Variants in POTEC observed in about 807,000 individuals in gnomAD.
POTEC encodes the protein ANKRD26-like family B member 2.
POTEC carries 35 observed loss-of-function variants against 62.0 expected under a neutral mutation model. The ratio of observed to expected loss-of-function variants is 0.56; its 90% CI spans 0.43 to 0.75. The LOEUF (loss-of-function observed/expected upper bound fraction) is 0.75, where lower values mean the gene tolerates loss of function less well. POTEC is among the 30% of genes least tolerant of loss of function. The pLI is 0.00. For synonymous variants in POTEC, 156 were observed against 221.5 expected (o/e 0.70, Z 2.62); for missense variants, 472 against 655.9 (o/e 0.72, Z 3.06).
At chr18:14,532,399 G>C (rs1392019385) in intron 5 of POTEC, among the ~76,000 whole-genome samples, 1 of 152,056 alleles carries the variant, frequency 6.6e-6, no homozygotes, top group Non-Finnish European at 1.5e-5. Context: ...TATAAGCATA[G>C]GTAAGGGAAC....
At chr18:14,525,317 C>T (rs563331024) in intron 6 of POTEC, among the ~76,000 whole-genome samples, 2 of 152,048 alleles carry the variant, frequency 1.3e-5, no homozygotes, top group East Asian at 1.9e-4. Flanking sequence ...AAGAAAAGAA[C>T]ATTTAGTTTT....
At chr18:14,530,282 A>C (rs1369726956) in intron 6 of POTEC, among the ~76,000 whole-genome samples, 12 of 152,072 alleles carry the variant, frequency 7.9e-5, no homozygotes, top group Non-Finnish European at 1.8e-4. Context: ...ACATTATAGT[A>C]AGTTGTATAA....
rs1274819838 is a variant in POTEC at position 14,508,568 on chromosome 18, A to T, written c.*3330T>A. 2 of 152,670 alleles carry T rather than the reference A, an allele frequency of 1.3e-5. No homozygotes were observed. Among genetic ancestry groups the T allele is most frequent in the African/African-American group, 4.8e-5 (2 of 41,456 alleles). The allele number at this position is 152,670 out of a possible 1,614,324, so 9.5% of individuals were successfully genotyped here. A position where few individuals can be genotyped will look rare whatever the true frequency, so the allele number is the denominator to read the frequency against. On this transcript the variant is annotated 3_prime_UTR_variant, in exon 11 of 11. Transcript: ENST00000358970. ...TTCTAGTGTGATTTACAGCTCTGTC[A>T]GGTCAGTTATTTTCTTCTTTATACT...
intron 9 of POTEC, among the ~76,000 whole-genome samples, chr18:14,520,973 A>T (rs1479337589): frequency 2.0e-5 from 3 of 152,168 alleles, no homozygotes; most frequent in Non-Finnish European, 4.4e-5. Context: ...CCTGTCTCAA[A>T]AAAAATAAAT....
At position 14,507,815 on chromosome 18, in the gene POTEC, C is replaced by T. The variant is rs143303850; in HGVS notation, c.*4083G>A. The T allele has an allele frequency of 3.9e-5, 6 of 152,296 alleles. No homozygotes were observed. Among genetic ancestry groups the T allele is most frequent in the Non-Finnish European group, 5.9e-5 (4 of 68,022 alleles). 9.4% of individuals were successfully genotyped at this position (152,296 alleles called of 1,614,324 possible). The stretch of plus-strand genomic sequence containing the variant: ...CAGCATTTGCTTGTCTGAAAACGAT[C>T]TTGTTTCTCCTTCACTTATGATGCT... On this transcript the variant is annotated 3_prime_UTR_variant, in exon 11 of 11. Coordinates refer to ENST00000358970, the MANE Select transcript of POTEC (RefSeq NM_001137671.2).
At chr18:14,514,983 A>G (rs1910109084) in intron 9 of POTEC, among the ~76,000 whole-genome samples, 3 of 152,210 alleles carry the variant, frequency 2.0e-5, no homozygotes, top group African/African-American at 2.4e-5. Flanking sequence ...AATACCTAGG[A>G]ATATACTTAA....
chr18:14,528,665 G>A (rs906699211), intron 6 of POTEC, among the ~76,000 whole-genome samples: 1 of 151,834 alleles, frequency 6.6e-6, no homozygotes, highest in African/African-American at 2.4e-5. Context: ...GGGATCCTAG[G>A]ATATCACTGA....
chr18:14,527,366 T>C (rs953785512), intron 6 of POTEC, among the ~76,000 whole-genome samples: 11 of 152,260 alleles, frequency 7.2e-5, no homozygotes, highest in African/African-American at 2.6e-4. Flanking sequence ...AAGCACATTT[T>C]GCAGAAAATG....
chr18:14,509,515 C>T lies in POTEC; in HGVS notation c.*2383G>A, dbSNP rs1909941253. 6.6e-6 allele frequency: 1 copy of T among 152,022 alleles called. No individual in the cohort carries two copies. Among genetic ancestry groups the T allele is most frequent in the African/African-American group, 2.4e-5 (1 of 41,404 alleles). The allele number at this position is 152,022 out of a possible 1,614,324, so 9.4% of individuals were successfully genotyped here. A position where few individuals can be genotyped will look rare whatever the true frequency, so the allele number is the denominator to read the frequency against. On this transcript the variant is annotated 3_prime_UTR_variant, in exon 11 of 11. Coordinates refer to ENST00000358970, the MANE Select transcript of POTEC (RefSeq NM_001137671.2). The stretch of plus-strand genomic sequence containing the variant: ...ACAACAAAACCCACCTGTGTAAACA[C>T]ACACAGCAAAGTGATGTAGGAAGTT...
rs1280338704 is a variant in POTEC at position 14,537,200 on chromosome 18, CACACACACACAA to C, written c.810+589_810+600del. On this transcript the variant is annotated intron_variant, in intron 3 of 10. Transcript: ENST00000358970. ...ACACACACACACACACACACACACA[CACACACACACAA>C]AAAAAAAAAAAAACAAAAAAAAACC... 6.8e-3 allele frequency among the ~76,000 whole-genome samples: 561 copies of C among 82,420 alleles called. 10 individuals are homozygous for C. The highest frequency in any genetic ancestry group is 0.033 in the African/African-American group (471 of 14,252). The allele number at this position is 82,420 out of a possible 152,430, so 54.1% of individuals were successfully genotyped here.
intron 4 of POTEC, 126 bp from the exon 5 acceptor site, chr18:14,533,324 A>G (rs1905592474): frequency 6.5e-7 from 1 of 1,528,072 alleles, no homozygotes; most frequent in South Asian, 1.3e-5. Context: ...ACATGCACTA[A>G]AAGACATAAG....
chr18:14,517,870 T>C lies in POTEC; in HGVS notation c.1410-4085A>G, dbSNP rs183339689. Among the ~76,000 whole-genome samples, 806 of 152,156 alleles carry C rather than the reference T, an allele frequency of 5.3e-3. 9 individuals carry two copies. The highest frequency in any genetic ancestry group is 0.018 in the African/African-American group (766 of 41,510). The stretch of plus-strand genomic sequence containing the variant: ...AGCGAGACTCAATCTCAAAATAAAA[T>C]AAAATACCAGTAAACTTTGCAATTC... On this transcript the variant is annotated intron_variant, in intron 9 of 10. Transcript: ENST00000358970.
At chr18:14,527,876 C>CTAGTCCAAGGGTG (rs1393054542) in intron 6 of POTEC, 8 of 152,148 alleles carry the variant, frequency 5.3e-5, no homozygotes, top group African/African-American at 1.9e-4. Flanking sequence ...TACATTGATA[C>CTAGTCCAAGGGTG]TAGTCCAAGG....
rs1366938375 is a variant in POTEC at position 14,517,328 on chromosome 18, CA to C, written c.1410-3544del. Among the ~76,000 whole-genome samples, 4 of 152,278 alleles carry C rather than the reference CA, an allele frequency of 2.6e-5. No individual in the cohort carries two copies. The East Asian group carries it at 7.7e-4, about 29-fold the overall frequency. On this transcript the variant is annotated intron_variant, in intron 9 of 10. Transcript: ENST00000358970. ...AAAGCCAGTTTGAAATCTAGTCAAT[CA>C]ATGACCACTGCTCTTGCTCACCAAC...
Position 14,511,890 on chromosome 18 carries a change from T to C in POTEC, c.*8A>G, listed in dbSNP as rs930911297. The C allele has an allele frequency of 3.1e-6, 5 of 1,613,518 alleles. No homozygotes were observed. In the African/African-American group the frequency reaches 5.3e-5, roughly 17 times the overall value. ...TTTCCCTTAGCTGGTTCTGATGTTT[T>C]GTTTCATCTAGTTCCAGTCTCCAGA... On this transcript the variant is annotated 3_prime_UTR_variant, in exon 11 of 11. Coordinates refer to ENST00000358970, the MANE Select transcript of POTEC (RefSeq NM_001137671.2).
intron 9 of POTEC, among the ~76,000 whole-genome samples, chr18:14,515,653 C>T (rs374120393): frequency 8.8e-4 from 132 of 149,424 alleles, no homozygotes; most frequent in African/African-American, 2.8e-3. Flanking sequence ...AATAAATAAA[C>T]AAATAAATAA....
At chr18:14,537,195 AC>A (rs1905750820) in intron 3 of POTEC, among the ~76,000 whole-genome samples, 4 of 82,078 alleles carry the variant, frequency 4.9e-5, no homozygotes, top group African/African-American at 1.6e-4. Context: ...ACACACACAC[AC>A]ACACACACAC....
At chr18:14,519,354 C>G (rs1444191945) in intron 9 of POTEC, among the ~76,000 whole-genome samples, 1 of 152,126 alleles carries the variant, frequency 6.6e-6, no homozygotes, top group African/African-American at 2.4e-5. Context: ...ATATAGAAAT[C>G]TGGAATTAAG....
At chr18:14,512,713 G>A (rs1361585017) in intron 10 of POTEC, among the ~76,000 whole-genome samples, 1 of 152,158 alleles carries the variant, frequency 6.6e-6, no homozygotes, top group Non-Finnish European at 1.5e-5. Flanking sequence ...AGAGGTTGCA[G>A]TGAACTGAGT....
Sources: allele counts gnomAD v4.1 joint callset (sites outside exome capture counted in the v4.1 genomes callset), GRCh38; gene constraint gnomAD v4.1.1; transcripts MANE v1.5; gene names NCBI Gene and HGNC (gene_info 2026-07-23, HGNC 2026-07-21).